The following PRKG1 variants were observed in gnomAD, a reference collection of about 807,000 sequenced individuals.
PRKG1 encodes protein kinase cGMP-dependent 1.
A neutral mutation model predicts 88.1 loss-of-function variants in PRKG1; 35 were observed. The ratio of observed to expected loss-of-function variants is 0.40; its 90% CI spans 0.30 to 0.53. The LOEUF (loss-of-function observed/expected upper bound fraction) is 0.53, where lower values mean the gene tolerates loss of function less well. PRKG1 is among the 20% of genes least tolerant of loss of function. The pLI is 0.59. For synonymous variants in PRKG1, 303 were observed against 292.5 expected (o/e 1.04, Z -0.37); for missense variants, 540 against 839.8 (o/e 0.64, Z 4.41).
chr10:51,531,253 C>T (rs1026942742), intron 3 of PRKG1, among the ~76,000 whole-genome samples: 2 of 152,124 alleles, frequency 1.3e-5, no homozygotes, highest in Non-Finnish European at 2.9e-5. Flanking sequence ...ATGCAATAAG[C>T]TTGTAAAAGT....
intron 9 of PRKG1, among the ~76,000 whole-genome samples, chr10:52,199,380 C>A (rs1839598141): frequency 6.6e-6 from 1 of 152,224 alleles, no homozygotes; most frequent in South Asian, 2.1e-4. Flanking sequence ...CATCTTCACT[C>A]AAAGATCATA....
At chr10:52,064,398 G>A (rs1846307600) in intron 7 of PRKG1, among the ~76,000 whole-genome samples, 1 of 152,212 alleles carries the variant, frequency 6.6e-6, no homozygotes, top group African/African-American at 2.4e-5. Flanking sequence ...GTGGGAGCAG[G>A]CACCTCTGAT....
intron 3 of PRKG1, among the ~76,000 whole-genome samples, chr10:51,679,705 T>C (rs5784882): frequency 0.041 from 1,848 of 44,566 alleles, 22 homozygotes; most frequent in Non-Finnish European, 0.074. Flanking sequence ...GGCAGGGAAC[T>C]TTTTTTTTTT....
At chr10:52,196,167 C>T (rs1839500325) in intron 9 of PRKG1, among the ~76,000 whole-genome samples, 1 of 152,070 alleles carries the variant, frequency 6.6e-6, no homozygotes, top group South Asian at 2.1e-4. Flanking sequence ...CACCCGCCAC[C>T]ACGCCTGGCT....
chr10:51,477,583 G>A (rs1840235301), intron 3 of PRKG1, among the ~76,000 whole-genome samples: 1 of 151,900 alleles, frequency 6.6e-6, no homozygotes, highest in African/African-American at 2.4e-5. Flanking sequence ...CCTTATGACT[G>A]TGGCAAGGAT....
rs1039433773 is a variant in PRKG1, at chr10:51,087,424, T to A, written c.311+12523T>A. Among the ~76,000 whole-genome samples, 3 of 152,178 alleles carry A rather than the reference T, an allele frequency of 2.0e-5. No individual in the cohort carries two copies. The East Asian group carries it at 5.8e-4, about 29-fold the overall frequency. The stretch of plus-strand genomic sequence containing the variant: ...AAGTAGCTACTGTTATCATCCCAGT[T>A]TTTCATATGGAGAAAATGAGGCACA... On this transcript the variant is annotated intron_variant, in intron 1 of 17. Coordinates refer to ENST00000373980, the MANE Select transcript of PRKG1 (RefSeq NM_006258.4).
rs1843910091 is a variant in PRKG1, at chr10:51,074,998, C to T, written c.311+97C>T. The T allele has an allele frequency of 2.1e-6, 3 of 1,419,720 alleles. No homozygotes were observed. In the African/African-American group the frequency reaches 4.3e-5, roughly 21 times the overall value. The allele number at this position is 1,419,720 out of a possible 1,614,324, so 87.9% of individuals were successfully genotyped here. A position where few individuals can be genotyped will look rare whatever the true frequency, so the allele number is the denominator to read the frequency against. On this transcript the variant is annotated intron_variant, in intron 1 of 17. Transcript: ENST00000373980. ...GTCGGCCCCCGCCCCTCCCGCTTGC[C>T]ATGTCTGTCCTCATCCTCAGAAATG... is the stretch of plus-strand genomic sequence containing the variant.
chr10:52,124,722 C>G (rs1457104453), intron 7 of PRKG1, among the ~76,000 whole-genome samples: 1 of 152,020 alleles, frequency 6.6e-6, no homozygotes, highest in African/African-American at 2.4e-5. Context: ...AAAATACAAA[C>G]AATTCATACA....
intron 4 of PRKG1, among the ~76,000 whole-genome samples, chr10:51,851,436 C>T (rs1056558203): frequency 6.6e-6 from 1 of 151,994 alleles, no homozygotes; most frequent in East Asian, 1.9e-4. Context: ...ACACACCCCA[C>T]AAAAAAGAAT....
At chr10:51,266,429 A>T (rs1287348904) in intron 2 of PRKG1, among the ~76,000 whole-genome samples, 1 of 152,172 alleles carries the variant, frequency 6.6e-6, no homozygotes, top group African/African-American at 2.4e-5. Flanking sequence ...GAATGGACGG[A>T]TGCTTCTAAG....
intron 2 of PRKG1, among the ~76,000 whole-genome samples, chr10:51,177,165 C>T (rs1306984806): frequency 6.6e-6 from 1 of 152,118 alleles, no homozygotes; most frequent in Non-Finnish European, 1.5e-5. Flanking sequence ...TGAACTATTT[C>T]CTAACTGGAT....
At chr10:52,167,234 GA>G (rs1333394006) in intron 9 of PRKG1, among the ~76,000 whole-genome samples, 1 of 152,024 alleles carries the variant, frequency 6.6e-6, no homozygotes, top group African/African-American at 2.4e-5. Flanking sequence ...CACATGAAGA[GA>G]AAGGGATCAA....
chr10:52,140,221 C>G (rs892513012), intron 8 of PRKG1, among the ~76,000 whole-genome samples: 25 of 152,148 alleles, frequency 1.6e-4, no homozygotes, highest in Non-Finnish European at 3.4e-4. Flanking sequence ...GAGGGCTATC[C>G]GTAGTTGTCC....
chr10:51,716,480 A>G (rs1841889201), intron 3 of PRKG1, among the ~76,000 whole-genome samples: 1 of 152,166 alleles, frequency 6.6e-6, no homozygotes, highest in Non-Finnish European at 1.5e-5. Context: ...GTCTTTTACA[A>G]CATTTTACTT....
chr10:51,497,989 C>G (rs1840910060), intron 3 of PRKG1, among the ~76,000 whole-genome samples: 1 of 152,138 alleles, frequency 6.6e-6, no homozygotes, highest in Non-Finnish European at 1.5e-5. Flanking sequence ...CTGTCCTTAT[C>G]TCTCAAGTCT....
At position 51,858,342 on chromosome 10, in the gene PRKG1, T is replaced by A. The variant is rs1451529788; in HGVS notation, c.699-49165T>A. Among the ~76,000 whole-genome samples the A allele has an allele frequency of 9.0e-4, 16 of 17,700 alleles. 3 individuals carry two copies. The highest frequency in any genetic ancestry group is 2.3e-3 in the South Asian group (1 of 440). 11.6% of individuals were successfully genotyped at this position (17,700 alleles called of 152,430 possible). A position where few individuals can be genotyped will look rare whatever the true frequency, so the allele number is the denominator to read the frequency against. ...ATATGTATTATATATAATATATATA[T>A]TATATAAAATATATATATTATATAT... is the stretch of plus-strand genomic sequence containing the variant. On this transcript the variant is annotated intron_variant, in intron 4 of 17. Transcript: ENST00000373980.
chr10:51,510,882 T>TACAGGCGCCCACCACCAC (rs1841376553), intron 3 of PRKG1, among the ~76,000 whole-genome samples: 1 of 151,160 alleles, frequency 6.6e-6, no homozygotes, highest in African/African-American at 2.4e-5. Flanking sequence ...TAGCTGGGAC[T>TACAGGCGCCCACCACCAC]ACAGGCGCCC....
At chr10:52,042,439 T>C (rs1845774113) in intron 5 of PRKG1, among the ~76,000 whole-genome samples, 2 of 152,126 alleles carry the variant, frequency 1.3e-5, no homozygotes, top group Admixed American at 1.3e-4. Flanking sequence ...AGCCAACTGA[T>C]TTTCAACAAA....
chr10:51,983,410 G>T (rs1444834325), intron 5 of PRKG1, among the ~76,000 whole-genome samples: 1 of 152,170 alleles, frequency 6.6e-6, no homozygotes, highest in Non-Finnish European at 1.5e-5. Context: ...GTCAGGCATA[G>T]TCTGCCTGTG....
Sources: allele counts gnomAD v4.1 joint callset (sites outside exome capture counted in the v4.1 genomes callset), GRCh38; gene constraint gnomAD v4.1.1; transcripts MANE v1.5; gene names NCBI Gene and HGNC (gene_info 2026-07-23, HGNC 2026-07-21).